Variants in PLD5 observed in about 807,000 individuals in gnomAD.
The protein encoded by PLD5 is phospholipase D family member 5.
Under a neutral mutation model 61.1 loss-of-function variants are expected in PLD5, and 36 were observed. The ratio of observed to expected loss-of-function variants is 0.59; its 90% CI spans 0.45 to 0.78. The LOEUF is 0.78. Among genes scored for constraint, PLD5 ranks in the 30% least tolerant of loss-of-function variants. The pLI, the probability that PLD5 is intolerant of heterozygous loss-of-function variation, is 0.00. For missense variants in PLD5, 515 were observed against 644.4 expected, an observed-to-expected ratio of 0.80 and a Z score of 2.17; for synonymous variants, 243 against 242.8, an observed-to-expected ratio of 1.00 and a Z score of -0.01.
chr1:242,514,844 A>T (rs1023910299), intron 1 of PLD5, among the ~76,000 whole-genome samples: 3 of 152,154 alleles, frequency 2.0e-5, no homozygotes, highest in African/African-American at 4.8e-5. Flanking sequence ...GACAAGCAGC[A>T]GTCACCCACA....
intron 1 of PLD5, among the ~76,000 whole-genome samples, chr1:242,481,519 C>T (rs1313465935): frequency 6.6e-6 from 1 of 152,150 alleles, no homozygotes; most frequent in Non-Finnish European, 1.5e-5. Context: ...GGGAGGGGCG[C>T]CTGCCATTGC....
chr1:242,377,189 C>T (rs767798393), intron 1 of PLD5: 50 of 1,611,460 alleles, frequency 3.1e-5, no homozygotes, highest in Non-Finnish European at 4.0e-5. Context: ...AGACGTGAGA[C>T]GTGTAGCAGA....
chr1:242,302,425 T>A (rs1676109126), intron 2 of PLD5, among the ~76,000 whole-genome samples: 1 of 152,204 alleles, frequency 6.6e-6, no homozygotes, highest in South Asian at 2.1e-4. Flanking sequence ...TTTTGAGAAT[T>A]GCTCATTCTC....
At chr1:242,122,466 G>A (rs1380919312) in intron 6 of PLD5, among the ~76,000 whole-genome samples, 5 of 152,032 alleles carry the variant, frequency 3.3e-5, no homozygotes, top group Non-Finnish European at 5.9e-5. Flanking sequence ...CTGATCAAGC[G>A]ATCCACGCTT....
intron 4 of PLD5, among the ~76,000 whole-genome samples, chr1:242,224,867 T>C (rs1374264409): frequency 6.6e-6 from 1 of 152,230 alleles, no homozygotes; most frequent in Non-Finnish European, 1.5e-5. Context: ...AAATTCACCC[T>C]TTTGAGCATA....
At chr1:242,511,856 G>A (rs12140143) in intron 1 of PLD5, among the ~76,000 whole-genome samples, 33,908 of 152,000 alleles carry the variant, frequency 0.22, 3,890 homozygotes, top group Non-Finnish European at 0.23. Context: ...ATGAAAATCA[G>A]GAAAAAGGTG....
intron 1 of PLD5, among the ~76,000 whole-genome samples, chr1:242,486,639 G>A (rs1484547230): frequency 6.6e-6 from 1 of 152,172 alleles, no homozygotes; most frequent in Non-Finnish European, 1.5e-5. Flanking sequence ...CAACCATTGT[G>A]GAAGTCAGTG....
chr1:242,393,196 C>T (rs1271952973), intron 1 of PLD5, among the ~76,000 whole-genome samples: 9 of 121,070 alleles, frequency 7.4e-5, no homozygotes, highest in Admixed American at 3.0e-4. Flanking sequence ...ACGACGACTC[C>T]GTCTCAAAAA....
chr1:242,418,318 T>C (rs1664940516), intron 1 of PLD5, among the ~76,000 whole-genome samples: 1 of 152,032 alleles, frequency 6.6e-6, no homozygotes, highest in African/African-American at 2.4e-5. Flanking sequence ...TTTGATCTGG[T>C]TGTGTTAGGC....
intron 5 of PLD5, among the ~76,000 whole-genome samples, chr1:242,217,460 TA>T (rs1384905791): frequency 1.3e-5 from 2 of 151,840 alleles, no homozygotes; most frequent in African/African-American, 4.8e-5. Context: ...CCATCTCTAC[TA>T]AAAAATACAA....
chr1:242,295,095 T>A (rs1244217962), intron 2 of PLD5, among the ~76,000 whole-genome samples: 5 of 152,110 alleles, frequency 3.3e-5, no homozygotes, highest in Non-Finnish European at 7.4e-5. Flanking sequence ...ACACTCAAAG[T>A]CAAGTGATGG....
intron 2 of PLD5, among the ~76,000 whole-genome samples, chr1:242,321,183 T>C (rs977250684): frequency 1.3e-5 from 2 of 152,076 alleles, no homozygotes; most frequent in Non-Finnish European, 1.5e-5. Context: ...AAAATCTAAA[T>C]TGATGCAGCC....
In PLD5 at chr1:242,434,695, G is replaced by C. The variant is rs909714016; in HGVS notation, c.190-86453C>G. ...GTGGTGCAATCTCGGCTCACTGCAA[G>C]CTCCGCCTCCCAGCTTCACGTCATT... On this transcript the variant is annotated intron_variant, in intron 1 of 9. Coordinates refer to ENST00000536534, the MANE Select transcript of PLD5 (RefSeq NM_001372062.1). 2.6e-5 allele frequency among the ~76,000 whole-genome samples: 4 copies of C among 152,150 alleles called. No homozygotes were observed. The South Asian group carries it at 8.3e-4, about 32-fold the overall frequency.
At chr1:242,270,826 T>C (rs1443488519) in intron 3 of PLD5, among the ~76,000 whole-genome samples, 1 of 152,160 alleles carries the variant, frequency 6.6e-6, no homozygotes, top group Non-Finnish European at 1.5e-5. Flanking sequence ...TAGTAAACCA[T>C]CCAATGCTAT....
intron 4 of PLD5, among the ~76,000 whole-genome samples, chr1:242,255,730 A>G (rs1176908864): frequency 6.6e-6 from 1 of 152,154 alleles, no homozygotes; most frequent in Non-Finnish European, 1.5e-5. Flanking sequence ...CAGCTTTCTT[A>G]AATTTAAATA....
At chr1:242,356,660 T>C (rs1442729864) in intron 1 of PLD5, among the ~76,000 whole-genome samples, 1 of 151,684 alleles carries the variant, frequency 6.6e-6, no homozygotes, top group Non-Finnish European at 1.5e-5. Context: ...TTTTCCTTTA[T>C]AGTTTGCTAT....
At chr1:242,195,552 A>G (rs1426019014) in intron 5 of PLD5, among the ~76,000 whole-genome samples, 2 of 152,178 alleles carry the variant, frequency 1.3e-5, no homozygotes, top group Non-Finnish European at 2.9e-5. Flanking sequence ...AAATAAAAAC[A>G]CTTAAGGCTG....
chr1:242,287,302 C>A (rs3844255), intron 3 of PLD5, among the ~76,000 whole-genome samples: 98,701 of 151,966 alleles, frequency 0.65, 35,081 homozygotes, highest in Non-Finnish European at 0.81. Context: ...CTCTGCCCAA[C>A]CCTGCCCAGA....
At chr1:242,318,720 G>T (rs1658186246) in intron 2 of PLD5, among the ~76,000 whole-genome samples, 1 of 151,624 alleles carries the variant, frequency 6.6e-6, no homozygotes, top group African/African-American at 2.4e-5. Context: ...TAACTCCTAG[G>T]CTCAAGTGAT....
Sources: allele counts gnomAD v4.1 joint callset (sites outside exome capture counted in the v4.1 genomes callset), GRCh38; gene constraint gnomAD v4.1.1; transcripts MANE v1.5; gene names NCBI Gene and HGNC (gene_info 2026-07-23, HGNC 2026-07-21).